Variants in TSHZ1 observed in about 807,000 individuals in gnomAD.
TSHZ1 encodes the protein teashirt homolog 1.
In TSHZ1, 12 loss-of-function variants were observed where a neutral mutation model predicts 67.1. The observed-to-expected ratio is 0.18, with a 90% confidence interval of 0.11 to 0.29. TSHZ1 has a LOEUF of 0.29. Among genes scored for constraint, TSHZ1 ranks in the 10% least tolerant of loss-of-function variants. The pLI is 1.00. For missense variants in TSHZ1, 1,305 were observed against 1,413.9 expected (o/e 0.92, Z 1.23); for synonymous variants, 632 against 622.4 (o/e 1.02, Z -0.23).
rs1312472677 is a variant in TSHZ1 at position 75,281,585 on chromosome 18, G to A, written c.41-3863G>A. 6.6e-6 allele frequency among the ~76,000 whole-genome samples: 1 copy of A among 152,162 alleles called. No individual in the cohort carries two copies. The highest frequency in any genetic ancestry group is 2.4e-5 in the African/African-American group (1 of 41,430). ...TGGCAGGTGTGCAGGGGTGCTCATG[G>A]CTGTGGTCGGCACAGGCCCTGGGGT... is the stretch of plus-strand genomic sequence containing the variant. On this transcript the variant is annotated intron_variant, in intron 1 of 1. Transcript: ENST00000580243. This position sits in a 1 kb window ranked among gnomAD's most constrained non-coding sequence, Gnocchi z 5.3.
At chr18:75,261,384 C>G (rs1397895160) in intron 1 of TSHZ1, among the ~76,000 whole-genome samples, 1 of 152,226 alleles carries the variant, frequency 6.6e-6, no homozygotes, top group East Asian at 1.9e-4. Flanking sequence ...GAAAGACATT[C>G]TCTAAAGAAT....
At chr18:75,265,181 A>C (rs758603634) in intron 1 of TSHZ1, among the ~76,000 whole-genome samples, 1 of 152,210 alleles carries the variant, frequency 6.6e-6, no homozygotes, top group Non-Finnish European at 1.5e-5. Context: ...TAAAGCAAAA[A>C]AAGAAAAAAG....
In TSHZ1 at chr18:75,281,153, C is replaced by T. The variant is rs1252761083; in HGVS notation, c.41-4295C>T. ...GCGTCTGCTGGAAGGGAGAATGTCA[C>T]GGACCAGGAGTGGAGCGAGGTCATC... On this transcript the variant is annotated intron_variant, in intron 1 of 1. Coordinates refer to ENST00000580243, the MANE Select transcript of TSHZ1 (RefSeq NM_001308210.2). This position sits in a 1 kb window ranked among gnomAD's most constrained non-coding sequence, Gnocchi z 5.3. Among the ~76,000 whole-genome samples, 2 of 152,182 alleles carry T rather than the reference C, an allele frequency of 1.3e-5. No individual in the cohort carries two copies. The highest frequency in any genetic ancestry group is 2.9e-5 in the Non-Finnish European group (2 of 68,032).
At chr18:75,220,181 G>A (rs1371382362) in intron 1 of TSHZ1, among the ~76,000 whole-genome samples, 1 of 152,186 alleles carries the variant, frequency 6.6e-6, no homozygotes, top group Non-Finnish European at 1.5e-5. Flanking sequence ...AAAACACTGT[G>A]CTCCATGTAG....
At chr18:75,234,717 A>G (rs571511009) in intron 1 of TSHZ1, among the ~76,000 whole-genome samples, 7 of 152,156 alleles carry the variant, frequency 4.6e-5, no homozygotes, top group Non-Finnish European at 7.3e-5. Context: ...GGATATTTCT[A>G]TTAACTTTCC....
At chr18:75,216,714 G>A (rs1338766022) in intron 1 of TSHZ1, among the ~76,000 whole-genome samples, 2 of 152,242 alleles carry the variant, frequency 1.3e-5, no homozygotes, top group Non-Finnish European at 2.9e-5. Context: ...GCTTTTGAAA[G>A]CATATTGGTG....
chr18:75,271,228 C>G (rs968086734), intron 1 of TSHZ1, among the ~76,000 whole-genome samples: 6 of 152,118 alleles, frequency 3.9e-5, no homozygotes, highest in Non-Finnish European at 7.4e-5. Flanking sequence ...ATTGTTTATA[C>G]TAAATTTTTG....
rs151297972 is a variant in TSHZ1 at position 75,234,408 on chromosome 18, C to T, written c.40+22492C>T. 3.1e-3 allele frequency among the ~76,000 whole-genome samples: 477 copies of T among 152,248 alleles called. 6 individuals carry two copies. The highest frequency in any genetic ancestry group is 0.011 in the African/African-American group (457 of 41,526). Reference sequence around the variant, plus strand: ...ATACTTTAGCTTTAGAAGTGTTCCTCGTAAAGTTTTTGCACAGTTTTAAAA... The same window carrying T: ...ATACTTTAGCTTTAGAAGTGTTCCTTGTAAAGTTTTTGCACAGTTTTAAAA... On this transcript the variant is annotated intron_variant, in intron 1 of 1. Coordinates refer to ENST00000580243, the MANE Select transcript of TSHZ1 (RefSeq NM_001308210.2).
chr18:75,238,096 A>T (rs557254711), intron 1 of TSHZ1, among the ~76,000 whole-genome samples: 23 of 152,176 alleles, frequency 1.5e-4, no homozygotes, highest in Non-Finnish European at 3.1e-4. Flanking sequence ...CCACCACGCC[A>T]GGCTGACTGA....
intron 1 of TSHZ1, among the ~76,000 whole-genome samples, chr18:75,235,810 C>G (rs1215170294): frequency 6.6e-6 from 1 of 152,192 alleles, no homozygotes; most frequent in Non-Finnish European, 1.5e-5. Context: ...TCCTCCATGC[C>G]TCCCCGTGGT....
At position 75,276,600 on chromosome 18, in the gene TSHZ1, C is replaced by T. The variant is rs577632639; in HGVS notation, c.41-8848C>T. Among the ~76,000 whole-genome samples the T allele has an allele frequency of 1.4e-4, 22 of 152,300 alleles. No individual in the cohort carries two copies. In the South Asian group the frequency reaches 3.5e-3, roughly 24 times the overall value. ...TGTTTCGTAAGATTCTACAATGAAT[C>T]GAAGCTGTACATTCATCACTTAGGT... On this transcript the variant is annotated intron_variant, in intron 1 of 1. Transcript: ENST00000580243.
intron 1 of TSHZ1, among the ~76,000 whole-genome samples, chr18:75,225,350 A>C (rs1033193937): frequency 6.6e-6 from 1 of 152,216 alleles, no homozygotes; most frequent in Non-Finnish European, 1.5e-5. Flanking sequence ...ACTGTTTGTG[A>C]GTGAGGCCTG....
In TSHZ1 at chr18:75,240,195, G is replaced by A. The variant is rs28623097; in HGVS notation, c.40+28279G>A. ...TAAGCAAAGCTAAAATTTGCTTACC[G>A]TTGCCTAAGTATGGATTTAGTTTTA... On this transcript the variant is annotated intron_variant, in intron 1 of 1. Transcript: ENST00000580243. Among the ~76,000 whole-genome samples the A allele has an allele frequency of 6.4e-3, 969 of 152,240 alleles. 10 individuals carry two copies. The highest frequency in any genetic ancestry group is 0.022 in the African/African-American group (915 of 41,538).
chr18:75,232,288 G>A (rs1366495178), intron 1 of TSHZ1, among the ~76,000 whole-genome samples: 2 of 152,124 alleles, frequency 1.3e-5, no homozygotes, highest in Admixed American at 1.3e-4. Flanking sequence ...CCTCTCAGTT[G>A]AGTTTTAATG....
Position 75,285,614 on chromosome 18 carries a change from C to T in TSHZ1, c.207C>T (p.Asn69=). The T allele has an allele frequency of 1.2e-6, 2 of 1,612,904 alleles. No homozygotes were observed. Among genetic ancestry groups the T allele is most frequent in the Admixed American group, 1.7e-5 (1 of 59,968 alleles). ...ACTCCCCAGTCAGCTCTGCGACTAA[C>T]CAGGACGCCGGCTACGGGTCGCCCT... is the stretch of plus-strand genomic sequence containing the variant. The part of the protein sequence containing the change: ...YQNSPVSSAT[N]QDAGYGSPFS... The change falls in exon 2 of 2, where the codon AAC becomes AAT. Residue 69 remains asparagine (N), a synonymous_variant. Coordinates refer to ENST00000580243, the MANE Select transcript of TSHZ1 (RefSeq NM_001308210.2).
Position 75,289,519 on chromosome 18 carries a change from G to A in TSHZ1, c.*878G>A, listed in dbSNP as rs138708633. On this transcript the variant is annotated 3_prime_UTR_variant, in exon 2 of 2. Transcript: ENST00000580243. ...ATGAAAAAAAATGGGGCAAACGTTG[G>A]AGTCCTTTCCTTGTAAATTGCCAGC... 1.1e-3 allele frequency: 184 copies of A among 167,168 alleles called. No homozygotes were observed. Among genetic ancestry groups the A allele is most frequent in the African/African-American group, 4.3e-3 (178 of 41,554 alleles). 10.4% of individuals were successfully genotyped at this position (167,168 alleles called of 1,614,324 possible).
intron 1 of TSHZ1, among the ~76,000 whole-genome samples, chr18:75,230,325 C>T (rs1222581860): frequency 6.6e-5 from 10 of 152,112 alleles, no homozygotes; most frequent in African/African-American, 1.7e-4. Context: ...CCAGAGCTGC[C>T]GTCCCTGCTG....
In TSHZ1 at chr18:75,211,862, C is replaced by A; in HGVS notation, c.-15C>A. ...CCGGCGGCGGCTGAGGCGACGGCTGCGGCGGCCGAGCAGCATGCCGAGGAG... is the reference window on the plus strand; with the variant it reads ...CCGGCGGCGGCTGAGGCGACGGCTGAGGCGGCCGAGCAGCATGCCGAGGAG... On this transcript the variant is annotated 5_prime_UTR_variant, in exon 1 of 2. Transcript: ENST00000580243. 18 of 1,174,738 alleles carry A rather than the reference C, an allele frequency of 1.5e-5. No homozygotes were observed. Among genetic ancestry groups the A allele is most frequent in the Non-Finnish European group, 1.9e-5 (18 of 951,392 alleles). 72.8% of individuals were successfully genotyped at this position (1,174,738 alleles called of 1,614,324 possible). A position where few individuals can be genotyped will look rare whatever the true frequency, so the allele number is the denominator to read the frequency against.
rs1452780840 is a variant in TSHZ1, at chr18:75,211,570, T to G, written c.-307T>G. Reference sequence around the variant, plus strand: ...GCGGGCCGGCCCGCCGAGCGCCCGCTGCTGCGCCCGCGGCCCGCGCCGGGG... The same window carrying G: ...GCGGGCCGGCCCGCCGAGCGCCCGCGGCTGCGCCCGCGGCCCGCGCCGGGG... On this transcript the variant is annotated 5_prime_UTR_variant, in exon 1 of 2. Transcript: ENST00000580243. 7.2e-6 allele frequency: 1 copy of G among 138,014 alleles called. No individual in the cohort carries two copies. Among genetic ancestry groups the G allele is most frequent in the Non-Finnish European group, 1.6e-5 (1 of 63,352 alleles). The allele number at this position is 138,014 out of a possible 1,614,324, so 8.5% of individuals were successfully genotyped here.
Sources: gnomAD v4.1 joint callset for allele counts (sites outside exome capture counted in the v4.1 genomes callset) on GRCh38, gnomAD v4.1.1 for gene constraint, Gnocchi (gnomAD v3.1) non-coding constraint, MANE v1.5 for transcripts, NCBI Gene and HGNC (gene_info 2026-07-23, HGNC 2026-07-21) for gene names.